Variants in CBFA2T2 observed in about 807,000 individuals in gnomAD.
CBFA2T2 encodes the protein CBFA2/RUNX1 partner transcriptional co-repressor 2, also known as protein CBFA2T2.
CBFA2T2 carries 11 observed loss-of-function variants against 62.2 expected under a neutral mutation model. The observed-to-expected ratio is 0.18, with a 90% CI of 0.11 to 0.29. The LOEUF (loss-of-function observed/expected upper bound fraction) is 0.29. Ranked by LOEUF, CBFA2T2 falls within the 10% of genes least tolerant of loss-of-function variation. The pLI is 1.00. For synonymous variants in CBFA2T2, 295 were observed against 287.5 expected, an observed-to-expected ratio of 1.03 and a Z score of -0.27; for missense variants, 592 against 774.1, an observed-to-expected ratio of 0.76 and a Z score of 2.79.
intron 1 of CBFA2T2, among the ~76,000 whole-genome samples, chr20:33,536,584 G>A (rs2012248446): frequency 6.6e-6 from 1 of 151,376 alleles, no homozygotes; most frequent in Non-Finnish European, 1.5e-5. Context: ...CAGACGGGGC[G>A]GCTGCCGGGC....
intron 1 of CBFA2T2, among the ~76,000 whole-genome samples, chr20:33,517,481 G>A (rs1449041656): frequency 7.2e-6 from 1 of 138,612 alleles, no homozygotes; most frequent in African/African-American, 2.7e-5. Context: ...ACAGAGTCTC[G>A]CTCTGTTGTC....
At chr20:33,632,478 T>G (rs972655386) in intron 8 of CBFA2T2, among the ~76,000 whole-genome samples, 2 of 151,612 alleles carry the variant, frequency 1.3e-5, no homozygotes, top group African/African-American at 4.8e-5. Flanking sequence ...TGACTTTTTT[T>G]TTTTTTTTTT....
At chr20:33,626,037 G>A (rs2122343806) in intron 6 of CBFA2T2, among the ~76,000 whole-genome samples, 1 of 152,318 alleles carries the variant, frequency 6.6e-6, no homozygotes, top group East Asian at 1.9e-4. Flanking sequence ...AGAAGGCGGA[G>A]CTTGCAGTGA....
At chr20:33,612,170 TTTTC>T (rs1199918375) in intron 3 of CBFA2T2, among the ~76,000 whole-genome samples, 1 of 152,206 alleles carries the variant, frequency 6.6e-6, no homozygotes, top group Non-Finnish European at 1.5e-5. Context: ...TACACATAAT[TTTTC>T]TTTCTTTCTA....
intron 1 of CBFA2T2, among the ~76,000 whole-genome samples, chr20:33,507,710 T>C (rs1360736464): frequency 1.3e-5 from 2 of 152,154 alleles, no homozygotes; most frequent in Non-Finnish European, 2.9e-5. Context: ...CCATACTTTT[T>C]CCCCCCTACT....
At chr20:33,628,637 T>A (rs1601096392) in intron 7 of CBFA2T2, among the ~76,000 whole-genome samples, 1 of 152,208 alleles carries the variant, frequency 6.6e-6, no homozygotes, top group Non-Finnish European at 1.5e-5. Flanking sequence ...CCTGGCTAAT[T>A]TTTGTATTTT....
intron 1 of CBFA2T2, among the ~76,000 whole-genome samples, chr20:33,558,129 GCT>G (rs994882271): frequency 6.7e-6 from 1 of 149,938 alleles, no homozygotes; most frequent in African/African-American, 2.5e-5. Flanking sequence ...GCCTGGGCGC[GCT>G]CTCTCTTTTT....
chr20:33,607,053 A>G lies in CBFA2T2; in HGVS notation c.132A>G (p.Pro44=), dbSNP rs773349416. 3 of 1,613,916 alleles carry G rather than the reference A, an allele frequency of 1.9e-6. No individual in the cohort carries two copies. The African/African-American group carries it at 4.0e-5, about 22-fold the overall frequency. Residue 44 remains proline (P), a synonymous_variant, in exon 2 of 11, where the codon CCA becomes CCG. Transcript: ENST00000342704. ...CTCCCACCATGCCACCCCTCCCACC[A>G]ATAAATCCTGGAGGACCGAGGCCAG... The part of the protein sequence containing the change: ...SSPPTMPPLP[P]INPGGPRPVS...
At chr20:33,606,928 T>C (rs1243608671) in intron 1 of CBFA2T2, 28 bp from the exon 2 acceptor site, 5 of 1,607,604 alleles carry the variant, frequency 3.1e-6, no homozygotes, top group Non-Finnish European at 4.3e-6. Context: ...TAGAAAACCC[T>C]AACCTCCATT....
rs376086981 is a variant in CBFA2T2, at chr20:33,523,269, T to A, written c.34+32968T>A. ...ATATTGGGATAAATCATAGGCTTTA[T>A]TTTTTATTTATTTATTTTTTTTTAT... is the stretch of plus-strand genomic sequence containing the variant. On this transcript the variant is annotated intron_variant, in intron 1 of 10. Coordinates refer to ENST00000342704, the MANE Select transcript of CBFA2T2 (RefSeq NM_001032999.3). Among the ~76,000 whole-genome samples the A allele has an allele frequency of 8.5e-5, 13 of 152,176 alleles. No homozygotes were observed. In the East Asian group the frequency reaches 1.2e-3, roughly 14 times the overall value.
intron 1 of CBFA2T2, chr20:33,600,527 T>C (rs2015090888): frequency 5.2e-6 from 2 of 385,832 alleles, no homozygotes; most frequent in Admixed American, 3.0e-5. Context: ...ATTCAGAACA[T>C]TTACCTATGC....
intron 1 of CBFA2T2, among the ~76,000 whole-genome samples, chr20:33,517,046 T>C (rs2146858577): frequency 6.6e-6 from 1 of 152,362 alleles, no homozygotes; most frequent in Non-Finnish European, 1.5e-5. Flanking sequence ...AAAGCAGATA[T>C]GTGATGGACT....
intron 1 of CBFA2T2, among the ~76,000 whole-genome samples, chr20:33,598,310 C>T (rs2014973748): frequency 6.6e-6 from 1 of 152,070 alleles, no homozygotes; most frequent in Non-Finnish European, 1.5e-5. Context: ...GTCTATTTCA[C>T]CCCTGCAGTC....
At chr20:33,519,518 G>A (rs1466613056) in intron 1 of CBFA2T2, among the ~76,000 whole-genome samples, 2 of 152,068 alleles carry the variant, frequency 1.3e-5, no homozygotes, top group African/African-American at 2.4e-5. Context: ...GTATGGGTAG[G>A]TTATATGCAA....
chr20:33,529,743 TTATATATATATATATATATATATA>T (rs139769122), intron 1 of CBFA2T2, among the ~76,000 whole-genome samples: 1 of 4,042 alleles, frequency 2.5e-4, no homozygotes, highest in African/African-American at 3.2e-4. Flanking sequence ...AAGAAAGCAG[TTATATATATATATATATATATATA>T]TATATATATA....
At chr20:33,528,731 G>T (rs1206382108) in intron 1 of CBFA2T2, among the ~76,000 whole-genome samples, 1 of 151,936 alleles carries the variant, frequency 6.6e-6, no homozygotes. Flanking sequence ...GTAGTGACGG[G>T]ATCTCACCAT....
intron 8 of CBFA2T2, 114 bp from the exon 9 acceptor site, chr20:33,636,526 A>G (rs907097099): frequency 2.4e-5 from 17 of 719,494 alleles, no homozygotes; most frequent in Non-Finnish European, 3.0e-5. Flanking sequence ...GAATTTTTTT[A>G]TACTAAATGA....
chr20:33,643,788 TATATATATATATATATATATATATATATA>T (rs1209821900), intron 10 of CBFA2T2, among the ~76,000 whole-genome samples: 11 of 34,050 alleles, frequency 3.2e-4, no homozygotes, highest in Admixed American at 2.8e-3. Flanking sequence ...TATATATATA[TATATATATATATATATATATATATATATA>T]GTATATAATG....
chr20:33,589,470 T>G (rs1222149208), intron 1 of CBFA2T2, among the ~76,000 whole-genome samples: 2 of 152,202 alleles, frequency 1.3e-5, no homozygotes, highest in Non-Finnish European at 2.9e-5. Context: ...AAACCCAAAC[T>G]CAATTCTTAA....
Sources: gnomAD v4.1 joint callset for allele counts (sites outside exome capture counted in the v4.1 genomes callset) on GRCh38, gnomAD v4.1.1 for gene constraint, MANE v1.5 for transcripts, NCBI Gene and HGNC (gene_info 2026-07-23, HGNC 2026-07-21) for gene names.